Variants in ROBO1 observed in about 807,000 individuals in gnomAD.
ROBO1 encodes the protein roundabout homolog 1.
ROBO1 carries 149 observed loss-of-function variants against 195.9 expected under a neutral mutation model. That is an observed-to-expected ratio of 0.76 (90% confidence interval 0.67 to 0.87). The LOEUF (loss-of-function observed/expected upper bound fraction) is 0.87. Among genes scored for constraint, ROBO1 ranks in the 40% least tolerant of loss-of-function variants. The pLI, the probability that ROBO1 is intolerant of heterozygous loss-of-function variation, is 0.00. For missense variants in ROBO1, 1,933 were observed against 2,068.3 expected, an observed-to-expected ratio of 0.93 and a Z score of 1.27; for synonymous variants, 816 against 733.2, an observed-to-expected ratio of 1.11 and a Z score of -1.82.
chr3:78,627,607 G>A (rs763532219), intron 25 of ROBO1, 38 bp from the exon 26 acceptor site: 6 of 1,554,864 alleles, frequency 3.9e-6, no homozygotes, highest in Non-Finnish European at 5.2e-6. Flanking sequence ...CTTACTTCAG[G>A]TTATTCAAAT....
chr3:79,513,818 A>G (rs1940829079), intron 2 of ROBO1, among the ~76,000 whole-genome samples: 1 of 152,222 alleles, frequency 6.6e-6, no homozygotes, highest in Non-Finnish European at 1.5e-5. Context: ...CTTAATCTAT[A>G]TGAAACTTAA....
chr3:79,687,999 A>G (rs1947181189), intron 1 of ROBO1, among the ~76,000 whole-genome samples: 1 of 152,104 alleles, frequency 6.6e-6, no homozygotes, highest in South Asian at 2.1e-4. Context: ...GACTGGATTA[A>G]GAAAATGTGG....
intron 2 of ROBO1, among the ~76,000 whole-genome samples, chr3:79,185,924 T>C (rs1389179193): frequency 6.6e-6 from 1 of 152,156 alleles, no homozygotes; most frequent in Non-Finnish European, 1.5e-5. Context: ...TCACCAGATA[T>C]GCTAAATACT....
chr3:79,004,306 A>C (rs1332948120), intron 3 of ROBO1, among the ~76,000 whole-genome samples: 1 of 152,200 alleles, frequency 6.6e-6, no homozygotes, highest in Non-Finnish European at 1.5e-5. Flanking sequence ...TTGCTCAAAA[A>C]TCAGAAGACA....
chr3:79,732,772 A>T (rs1284254658), intron 1 of ROBO1, among the ~76,000 whole-genome samples: 1 of 152,180 alleles, frequency 6.6e-6, no homozygotes, highest in Non-Finnish European at 1.5e-5. Flanking sequence ...TTCAGATGCC[A>T]ATCATCACTT....
chr3:78,626,196 G>A (rs1704768444), intron 26 of ROBO1, among the ~76,000 whole-genome samples: 1 of 152,064 alleles, frequency 6.6e-6, no homozygotes, highest in African/African-American at 2.4e-5. Context: ...GTCTCTCATT[G>A]GCTTCTAATA....
intron 3 of ROBO1, among the ~76,000 whole-genome samples, chr3:79,116,668 C>A (rs2080008511): frequency 6.6e-6 from 1 of 151,862 alleles, no homozygotes; most frequent in Admixed American, 6.6e-5. Context: ...CAGACACCCA[C>A]CACCACGCCC....
At chr3:78,896,357 C>A (rs2037227940) in intron 4 of ROBO1, among the ~76,000 whole-genome samples, 1 of 152,124 alleles carries the variant, frequency 6.6e-6, no homozygotes, top group South Asian at 2.1e-4. Context: ...TGAAGATCCA[C>A]AAAAGACGTG....
At chr3:78,683,818 AAAGGTGTAAAT>A (rs200968622) in intron 10 of ROBO1, among the ~76,000 whole-genome samples, 2,286 of 152,144 alleles carry the variant, frequency 0.015, 44 homozygotes, top group African/African-American at 0.052. Context: ...ACAAAATATC[AAAGGTGTAAAT>A]AATAAAGCTT....
chr3:79,639,353 C>G (rs1945589668), intron 1 of ROBO1, among the ~76,000 whole-genome samples: 1 of 152,026 alleles, frequency 6.6e-6, no homozygotes, highest in Admixed American at 6.6e-5. Flanking sequence ...GCAAACACAA[C>G]TATTCATTTC....
chr3:78,929,428 C>T (rs763256217), intron 4 of ROBO1, among the ~76,000 whole-genome samples: 9 of 152,068 alleles, frequency 5.9e-5, no homozygotes, highest in Non-Finnish European at 1.3e-4. Flanking sequence ...TCTCAAGCAA[C>T]CTCAGGAAAT....
chr3:79,006,264 CA>C (rs202057216), intron 3 of ROBO1, among the ~76,000 whole-genome samples: 1,067 of 56,778 alleles, frequency 0.019, 7 homozygotes, highest in Non-Finnish European at 0.041. Flanking sequence ...AAATAGCTAC[CA>C]ATAAAGGAGA....
intron 4 of ROBO1, among the ~76,000 whole-genome samples, chr3:78,769,124 CT>C (rs1240403049): frequency 1.3e-5 from 2 of 152,066 alleles, no homozygotes; most frequent in East Asian, 3.9e-4. Flanking sequence ...TGTTGACTTT[CT>C]GTCTTGATAG....
In ROBO1 at chr3:79,112,794, A is replaced by G. The variant is rs1293962851; in HGVS notation, c.172+12662T>C. Among the ~76,000 whole-genome samples, 3 of 152,046 alleles carry G rather than the reference A, an allele frequency of 2.0e-5. No homozygotes were observed. In the South Asian group the frequency reaches 6.2e-4, roughly 32 times the overall value. On this transcript the variant is annotated intron_variant, in intron 3 of 30. Transcript: ENST00000464233. ...GCGGGGAGGGGGGAGGGATAGCATT[A>G]GGAGATATACCTAATGGTAAATGAT...
At chr3:79,278,088 T>C (rs373477569) in intron 2 of ROBO1, among the ~76,000 whole-genome samples, 4 of 151,950 alleles carry the variant, frequency 2.6e-5, no homozygotes, top group South Asian at 4.1e-4. Flanking sequence ...AAATAAAATA[T>C]CTAGTAATAA....
intron 1 of ROBO1, among the ~76,000 whole-genome samples, chr3:79,609,362 T>A (rs1011871707): frequency 1.3e-5 from 2 of 151,838 alleles, no homozygotes; most frequent in Non-Finnish European, 2.9e-5. Context: ...TAAGTGTCAG[T>A]AGGGATGAAG....
chr3:78,947,280 A>T (rs2040500912), intron 3 of ROBO1, among the ~76,000 whole-genome samples: 1 of 152,072 alleles, frequency 6.6e-6, no homozygotes, highest in African/African-American at 2.4e-5. Context: ...GAAGTAAAGC[A>T]CTCCTCAGCA....
At position 79,739,377 on chromosome 3, in the gene ROBO1, T is replaced by C. The variant is rs139934730; in HGVS notation, c.-51+28375A>G. On this transcript the variant is annotated intron_variant, in intron 1 of 30. Transcript: ENST00000464233. The stretch of plus-strand genomic sequence containing the variant: ...GATGAAATAAGTATAATTTTTAACA[T>C]GATATTCCTGGAGCTAAACCTTTGT... Among the ~76,000 whole-genome samples, 900 of 152,266 alleles carry C rather than the reference T, an allele frequency of 5.9e-3. 8 individuals carry two copies. Among genetic ancestry groups the C allele is most frequent in the Middle Eastern group, 0.037 (11 of 294 alleles).
intron 2 of ROBO1, among the ~76,000 whole-genome samples, chr3:79,252,549 A>T (rs766567637): frequency 6.6e-6 from 1 of 152,204 alleles, no homozygotes; most frequent in African/African-American, 2.4e-5. Context: ...TTCCAGAATT[A>T]TGAGAAAATA....
Sources: allele counts gnomAD v4.1 joint callset (sites outside exome capture counted in the v4.1 genomes callset), GRCh38; gene constraint gnomAD v4.1.1; transcripts MANE v1.5; gene names NCBI Gene and HGNC (gene_info 2026-07-23, HGNC 2026-07-21).